CYP2C8: variants seen among roughly 807,000 people sequenced by gnomAD.
CYP2C8 encodes the protein cytochrome P450 2C8.
Under a neutral mutation model 41.3 loss-of-function variants are expected in CYP2C8, and 51 were observed. That is an observed-to-expected ratio of 1.24 (90% CI 0.99 to 1.56). The LOEUF is 1.56. Among genes scored for constraint, CYP2C8 ranks in the 40% most tolerant of loss-of-function variants. The pLI is 0.00. For missense variants in CYP2C8, 651 were observed against 579.9 expected (o/e 1.12, Z -1.26); for synonymous variants, 218 against 205.8 (o/e 1.06, Z -0.51).
In CYP2C8 at chr10:95,036,938, A is replaced by G. The variant is rs527544904; in HGVS notation, c.*190T>C. On this transcript the variant is annotated 3_prime_UTR_variant, in exon 9 of 9. Transcript: ENST00000371270. ...GCAATTAATACAAGTGTTACAGAGT[A>G]TGAATAATTGCAGATATATTTGTGC... 6 of 650,818 alleles carry G rather than the reference A, an allele frequency of 9.2e-6. No homozygotes were observed. The East Asian group carries it at 1.7e-4, about 18-fold the overall frequency. The allele number at this position is 650,818 out of a possible 1,614,324, so 40.3% of individuals were successfully genotyped here.
chr10:95,067,064 G>T, intron 3 of CYP2C8, 144 bp downstream of exon 3: 1 of 1,146,638 alleles, frequency 8.7e-7, no homozygotes, highest in Non-Finnish European at 1.3e-6. Flanking sequence ...CCTTGTCTCT[G>T]TGCTTCAAAT....
At chr10:95,063,902 C>G (rs979343986) in intron 4 of CYP2C8, among the ~76,000 whole-genome samples, 12 of 152,146 alleles carry the variant, frequency 7.9e-5, no homozygotes, top group Non-Finnish European at 1.5e-4. Context: ...CACTCCAGAC[C>G]CTGTTTGCCT....
chr10:95,066,734 T>C (rs895114614), intron 3 of CYP2C8, among the ~76,000 whole-genome samples: 1 of 152,168 alleles, frequency 6.6e-6, no homozygotes, highest in Non-Finnish European at 1.5e-5. Flanking sequence ...CATGTGAGTA[T>C]GACCATATGA....
At chr10:95,061,103 G>A (rs143042734) in intron 4 of CYP2C8, among the ~76,000 whole-genome samples, 11 of 151,870 alleles carry the variant, frequency 7.2e-5, no homozygotes, top group Non-Finnish European at 1.5e-4. Flanking sequence ...TAAAATTCTC[G>A]TTTTTTGTTG....
chr10:95,066,153 A>AGAGGGTGT (rs1342809282), intron 3 of CYP2C8, among the ~76,000 whole-genome samples: 1 of 88,286 alleles, frequency 1.1e-5, no homozygotes, highest in Non-Finnish European at 2.3e-5. Context: ...AGAGAGAGAG[A>AGAGGGTGT]GTGTGTGTGT....
chr10:95,061,914 G>C (rs1209568849), intron 4 of CYP2C8, among the ~76,000 whole-genome samples: 1 of 152,156 alleles, frequency 6.6e-6, no homozygotes, highest in African/African-American at 2.4e-5. Context: ...AGTCATTCAG[G>C]AGCAGGTTGT....
intron 4 of CYP2C8, among the ~76,000 whole-genome samples, chr10:95,063,132 T>A (rs1189404814): frequency 6.6e-6 from 1 of 152,166 alleles, no homozygotes; most frequent in Admixed American, 6.5e-5. Flanking sequence ...GTTGCTCTTC[T>A]CAAGGAGTAT....
chr10:95,046,748 TAAAAAAAA>T (rs56702266), intron 5 of CYP2C8, among the ~76,000 whole-genome samples: 1 of 128,984 alleles, frequency 7.8e-6, no homozygotes, highest in African/African-American at 2.8e-5. Context: ...CTAAATATGG[TAAAAAAAA>T]AAAAAAAAAA....
At position 95,065,172 on chromosome 10, in the gene CYP2C8, G is replaced by A. The variant is rs11572090; in HGVS notation, c.482-212C>T. On this transcript the variant is annotated intron_variant, in intron 3 of 8. Coordinates refer to ENST00000371270, the MANE Select transcript of CYP2C8 (RefSeq NM_000770.3). ...CAGGCTAGCTAAACAATGTCATTTC[G>A]CATGTGGTTATTCACATCCACTGCC... 7.8e-3 allele frequency among the ~76,000 whole-genome samples: 1,189 copies of A among 152,184 alleles called. 16 individuals are homozygous for A. Among genetic ancestry groups the A allele is most frequent in the African/African-American group, 0.027 (1,107 of 41,504 alleles).
chr10:95,048,606 T>C (rs1340581656), intron 5 of CYP2C8, among the ~76,000 whole-genome samples: 3 of 152,192 alleles, frequency 2.0e-5, no homozygotes, highest in African/African-American at 4.8e-5. Flanking sequence ...TTAGCTGAGA[T>C]ACGATAAAAG....
intron 5 of CYP2C8, among the ~76,000 whole-genome samples, chr10:95,053,012 A>G (rs2033240371): frequency 6.8e-6 from 1 of 146,844 alleles, no homozygotes; most frequent in South Asian, 2.2e-4. Context: ...ACTCATTTGC[A>G]GAGAATATAA....
intron 1 of CYP2C8, among the ~76,000 whole-genome samples, chr10:95,068,924 G>A (rs1384107987): frequency 2.6e-5 from 4 of 152,160 alleles, no homozygotes; most frequent in Admixed American, 2.6e-4. Context: ...AGCCGGGCAT[G>A]GTGGAGGGCA....
chr10:95,046,768 A>G (rs2033117254), intron 5 of CYP2C8, among the ~76,000 whole-genome samples: 1 of 146,564 alleles, frequency 6.8e-6, no homozygotes, highest in South Asian at 2.2e-4. Flanking sequence ...AAAAAAAAAA[A>G]GAAGGCACTT....
intron 5 of CYP2C8, among the ~76,000 whole-genome samples, chr10:95,047,919 C>T (rs939591068): frequency 7.2e-5 from 11 of 152,144 alleles, no homozygotes; most frequent in Non-Finnish European, 1.6e-4. Flanking sequence ...AAGGTAATAT[C>T]CTCGAGAAGT....
chr10:95,051,388 A>C (rs1260380902), intron 5 of CYP2C8, among the ~76,000 whole-genome samples: 2 of 152,180 alleles, frequency 1.3e-5, no homozygotes, highest in Admixed American at 6.5e-5. Context: ...TGCAAATCTA[A>C]GAGTTATTGG....
intron 4 of CYP2C8, among the ~76,000 whole-genome samples, chr10:95,062,928 G>T (rs1239597380): frequency 1.3e-5 from 2 of 152,126 alleles, no homozygotes; most frequent in Non-Finnish European, 2.9e-5. Flanking sequence ...GAAATTCTGG[G>T]TTGAAAATTC....
intron 3 of CYP2C8, 43 bp downstream of exon 3, chr10:95,067,165 C>T (rs11572082): frequency 1.2e-6 from 2 of 1,613,496 alleles, no homozygotes; most frequent in African/African-American, 1.3e-5. Context: ...CTAGTGAAGA[C>T]AGGTAACTGT....
intron 1 of CYP2C8, 38 bp downstream of exon 1, chr10:95,069,197 C>A (rs774260908): frequency 6.2e-7 from 1 of 1,612,000 alleles, no homozygotes; most frequent in Admixed American, 1.7e-5. Context: ...AATAACTTAC[C>A]CTTTGCAATT....
chr10:95,046,591 C>A (rs1254347027), intron 5 of CYP2C8, among the ~76,000 whole-genome samples: 1 of 152,160 alleles, frequency 6.6e-6, no homozygotes. Flanking sequence ...ACTTTTAGCA[C>A]ATGAACTGTA....
Sources: gnomAD v4.1 joint callset for allele counts (sites outside exome capture counted in the v4.1 genomes callset) on GRCh38, gnomAD v4.1.1 for gene constraint, MANE v1.5 for transcripts, NCBI Gene and HGNC (gene_info 2026-07-23, HGNC 2026-07-21) for gene names.